EPB41: variants seen among roughly 807,000 people sequenced by gnomAD.
EPB41 encodes the protein protein 4.1.
Under a neutral mutation model 108.0 loss-of-function variants are expected in EPB41, and 65 were observed. The observed-to-expected ratio is 0.60, with a 90% confidence interval of 0.49 to 0.74. The LOEUF is 0.74. Ranked by LOEUF, EPB41 falls within the 30% of genes least tolerant of loss-of-function variation. EPB41 has a pLI of 0.00. For synonymous variants in EPB41, 336 were observed against 358.9 expected (o/e 0.94, Z 0.72); for missense variants, 875 against 1,037.0 (o/e 0.84, Z 2.15).
chr1:29,053,452 G>A lies in EPB41; in HGVS notation c.1845+140G>A, dbSNP rs141523156. The A allele has an allele frequency of 3.7e-4, 338 of 924,428 alleles. 1 individual carries two copies. In the African/African-American group the frequency reaches 5.3e-3, roughly 14 times the overall value. 57.3% of individuals were successfully genotyped at this position (924,428 alleles called of 1,614,324 possible). On this transcript the variant is annotated intron_variant, in intron 12 of 20. Transcript: ENST00000343067. ...TTCTTCATTCTTTCTAAATGAAGAT[G>A]TCTCCCATGAACCTATAAAATATTT...
chr1:29,083,547 T>C (rs1657604238), intron 16 of EPB41, among the ~76,000 whole-genome samples: 1 of 152,232 alleles, frequency 6.6e-6, no homozygotes, highest in Non-Finnish European at 1.5e-5. Flanking sequence ...CTTTATGTGC[T>C]GTTTACACAT....
chr1:28,897,637 GAGGAGGGGAGA>G (rs1486784170), intron 1 of EPB41, among the ~76,000 whole-genome samples: 1 of 104,682 alleles, frequency 9.6e-6, no homozygotes, highest in East Asian at 3.0e-4. Flanking sequence ...GAGGAGGGGA[GAGGAGGGGAGA>G]GGAGGGGAGG....
rs187879097 is a variant in EPB41, at chr1:29,046,874, G to A, written c.1637-6230G>A. On this transcript the variant is annotated intron_variant, in intron 11 of 20. Transcript: ENST00000343067. ...ACCTAAGAATTTTTGGAGTAAGTTCGAATTGGTCGTAATACTCTTTTCTTT... is the reference window on the plus strand; with the variant it reads ...ACCTAAGAATTTTTGGAGTAAGTTCAAATTGGTCGTAATACTCTTTTCTTT... Among the ~76,000 whole-genome samples the A allele has an allele frequency of 1.5e-4, 23 of 152,096 alleles. No homozygotes were observed. The East Asian group carries it at 4.1e-3, about 27-fold the overall frequency.
At chr1:28,972,263 C>T (rs969640284) in intron 1 of EPB41, among the ~76,000 whole-genome samples, 5 of 152,140 alleles carry the variant, frequency 3.3e-5, no homozygotes, top group African/African-American at 4.8e-5. Flanking sequence ...AAACTCAATT[C>T]GGTGGAGATG....
chr1:28,914,357 C>G (rs752884486), upstream of EPB41, among the ~76,000 whole-genome samples: 1 of 152,234 alleles, frequency 6.6e-6, no homozygotes, highest in South Asian at 2.1e-4. Context: ...CTCTCTTTTT[C>G]GTTCCCCTCT....
At chr1:28,917,511 C>T (rs1428181616) in intron 1 of EPB41, among the ~76,000 whole-genome samples, 1 of 151,946 alleles carries the variant, frequency 6.6e-6, no homozygotes, top group East Asian at 1.9e-4. Flanking sequence ...GATTTCTTGA[C>T]CTCGTGATCC....
intron 2 of EPB41, chr1:28,989,406 C>T: frequency 1.0e-6 from 1 of 979,912 alleles, no homozygotes; most frequent in Non-Finnish European, 1.2e-6. Context: ...ATTTCTGAAG[C>T]ATGTGAATAT....
At chr1:29,050,825 G>A (rs1235329467) in intron 11 of EPB41, among the ~76,000 whole-genome samples, 4 of 151,132 alleles carry the variant, frequency 2.6e-5, no homozygotes, top group Non-Finnish European at 4.4e-5. Flanking sequence ...ACAGACGCCC[G>A]CCACCACGCC....
chr1:28,960,098 A>G (rs1053454422), intron 1 of EPB41, among the ~76,000 whole-genome samples: 1 of 149,760 alleles, frequency 6.7e-6, no homozygotes, highest in Non-Finnish European at 1.5e-5. Flanking sequence ...CTCCTGGCTC[A>G]AGTAGTTAGT....
chr1:29,012,014 C>T, intron 5 of EPB41, 107 bp downstream of exon 5: 1 of 1,195,362 alleles, frequency 8.4e-7, no homozygotes, highest in South Asian at 1.3e-5. Flanking sequence ...CTGACTACTG[C>T]AGATTGCTTT....
At position 28,925,920 on chromosome 1, in the gene EPB41, G is replaced by A. The variant is rs761830556; in HGVS notation, c.-8+11152G>A. On this transcript the variant is annotated intron_variant, in intron 1 of 20. Coordinates refer to ENST00000343067, the MANE Select transcript of EPB41 (RefSeq NM_001376013.1). Reference sequence around the variant, plus strand: ...AGTGAGCAGGACTCTGTTTATATATGTGATCACAAAAATATAAAAGATGGG... The same window carrying A: ...AGTGAGCAGGACTCTGTTTATATATATGATCACAAAAATATAAAAGATGGG... Among the ~76,000 whole-genome samples the A allele has an allele frequency of 9.2e-5, 14 of 152,088 alleles. 1 individual carries two copies. Among genetic ancestry groups the A allele is most frequent in the Non-Finnish European group, 1.8e-4 (12 of 68,012 alleles).
chr1:29,064,967 T>C lies in EPB41; in HGVS notation c.2008-15T>C. The C allele has an allele frequency of 6.2e-7, 1 of 1,613,808 alleles. No homozygotes were observed. Among genetic ancestry groups the C allele is most frequent in the Non-Finnish European group, 8.5e-7 (1 of 1,179,982 alleles). ...GATTGTGTATTGTTTTGCATCTTTG[T>C]CCTTTCAACTGTAGGATTTAGACAA... On this transcript the variant is annotated splice_polypyrimidine_tract_variant and intron_variant, in intron 15 of 20. Coordinates refer to ENST00000343067, the MANE Select transcript of EPB41 (RefSeq NM_001376013.1).
intron 7 of EPB41, among the ~76,000 whole-genome samples, chr1:29,023,663 G>C (rs1015902996): frequency 1.3e-5 from 2 of 151,672 alleles, no homozygotes; most frequent in Non-Finnish European, 2.9e-5. Flanking sequence ...CTCCAGCCTG[G>C]GCAACAAAAG....
chr1:28,929,587 A>G (rs2093628167), intron 1 of EPB41, among the ~76,000 whole-genome samples: 5 of 150,446 alleles, frequency 3.3e-5, no homozygotes. Flanking sequence ...GCTGGAGTGC[A>G]ATGGCGCGAT....
At chr1:28,942,509 A>G (rs2094328882) in intron 1 of EPB41, among the ~76,000 whole-genome samples, 1 of 152,232 alleles carries the variant, frequency 6.6e-6, no homozygotes. Context: ...ATGAAAAGCA[A>G]AGTTGAAGAA....
At position 29,097,806 on chromosome 1, in the gene EPB41, G is replaced by A; in HGVS notation, c.2185-1G>A. The A allele has an allele frequency of 1.9e-6, 3 of 1,613,896 alleles. No individual in the cohort carries two copies. Among genetic ancestry groups the A allele is most frequent in the Non-Finnish European group, 2.5e-6 (3 of 1,179,832 alleles). ...GTAACTCTTTCCTTACTGCTTCACAGCCTCCCCTGGTGAAGACACAAACTG... is the reference window on the plus strand; with the variant it reads ...GTAACTCTTTCCTTACTGCTTCACAACCTCCCCTGGTGAAGACACAAACTG... On this transcript the variant is annotated splice_acceptor_variant, in intron 16 of 20. Transcript: ENST00000343067. LOFTEE classifies it high-confidence loss of function.
rs1240284459 is a variant in EPB41 at position 29,064,989 on chromosome 1, A to G, written c.2015A>G (p.Asp672Gly). The change falls in exon 16 of 21, where the codon GAC becomes GGC. Residue 672 changes from aspartate to glycine, a missense_variant. Asp to Gly is a moderately conservative substitution (Grantham distance 94). Coordinates refer to ENST00000343067, the MANE Select transcript of EPB41 (RefSeq NM_001376013.1). ...TTGTCCTTTCAACTGTAGGATTTAG[A>G]CAAGAGTCAAGAGGAGATCAAAAAA... The part of the protein sequence containing the change: ...RHSNLMLEDL[D>G]KSQEEIKKHH... 1.2e-6 allele frequency: 2 copies of G among 1,614,058 alleles called. No individual in the cohort carries two copies. Among genetic ancestry groups the G allele is most frequent in the East Asian group, 2.2e-5 (1 of 44,882 alleles).
At chr1:28,987,999 A>T in intron 2 of EPB41, 94 bp downstream of exon 2, 1 of 1,322,184 alleles carries the variant, frequency 7.6e-7, no homozygotes, top group South Asian at 1.2e-5. Flanking sequence ...GCGGTGGCTC[A>T]TGCCTGTAAT....
chr1:29,041,121 G>A (rs1423210399), intron 11 of EPB41: 1 of 150,460 alleles, frequency 6.6e-6, no homozygotes, highest in East Asian at 1.9e-4. Flanking sequence ...GGGAGACAGA[G>A]TGAGAGTGTC....
Sources: allele counts gnomAD v4.1 joint callset (sites outside exome capture counted in the v4.1 genomes callset), GRCh38; gene constraint gnomAD v4.1.1; transcripts MANE v1.5; gene names NCBI Gene and HGNC (gene_info 2026-07-23, HGNC 2026-07-21).